The following SLC2A13 variants were observed in gnomAD, a reference collection of about 807,000 sequenced individuals.
SLC2A13 encodes proton myo-inositol cotransporter.
SLC2A13 carries 32 observed loss-of-function variants against 64.4 expected under a neutral mutation model. The ratio of observed to expected loss-of-function variants is 0.50; its 90% CI spans 0.37 to 0.67. SLC2A13 has a LOEUF of 0.67. Among genes scored for constraint, SLC2A13 ranks in the 30% least tolerant of loss-of-function variants. The pLI, the probability that SLC2A13 is intolerant of heterozygous loss-of-function variation, is 0.00. For synonymous variants in SLC2A13, 338 were observed against 327.1 expected, an observed-to-expected ratio of 1.03 and a Z score of -0.36; for missense variants, 743 against 829.2, an observed-to-expected ratio of 0.90 and a Z score of 1.28.
At chr12:40,007,232 A>T (rs1276676717) in intron 3 of SLC2A13, among the ~76,000 whole-genome samples, 3 of 152,216 alleles carry the variant, frequency 2.0e-5, no homozygotes, top group Non-Finnish European at 4.4e-5. Flanking sequence ...ACAGTGATGG[A>T]ATTGCAGAAA....
chr12:39,979,491 G>A (rs1374652107), intron 3 of SLC2A13, among the ~76,000 whole-genome samples: 1 of 149,088 alleles, frequency 6.7e-6, no homozygotes, highest in East Asian at 2.0e-4. Context: ...AGCTGATGGA[G>A]CTGAAAGCCA....
chr12:39,848,333 G>T (rs1270058527), intron 6 of SLC2A13, among the ~76,000 whole-genome samples: 2 of 151,800 alleles, frequency 1.3e-5, no homozygotes, highest in Non-Finnish European at 2.9e-5. Context: ...ATTTACAAAA[G>T]AAAAACAACC....
At chr12:40,051,607 G>A (rs913175741) in intron 1 of SLC2A13, among the ~76,000 whole-genome samples, 1 of 152,128 alleles carries the variant, frequency 6.6e-6, no homozygotes, top group Non-Finnish European at 1.5e-5. Flanking sequence ...AGGGGCCTTG[G>A]ATAGAAGTCA....
chr12:39,961,147 G>C (rs1946406064), intron 3 of SLC2A13, among the ~76,000 whole-genome samples: 1 of 151,486 alleles, frequency 6.6e-6, no homozygotes, highest in South Asian at 2.1e-4. Context: ...GCATGATCTT[G>C]GCTCACTGCA....
Position 39,845,577 on chromosome 12 carries a change from T to C in SLC2A13, c.1320-15349A>G, listed in dbSNP as rs540455699. Among the ~76,000 whole-genome samples, 331 of 152,256 alleles carry C rather than the reference T, an allele frequency of 2.2e-3. 2 individuals carry two copies. The highest frequency in any genetic ancestry group is 6.8e-3 in the Middle Eastern group (2 of 294). ...TGTGGAGGACAAAGTGAGTTTTTACTGAAGGGTGAAAGAAACAATCAGCCC... is the reference window on the plus strand; with the variant it reads ...TGTGGAGGACAAAGTGAGTTTTTACCGAAGGGTGAAAGAAACAATCAGCCC... On this transcript the variant is annotated intron_variant, in intron 6 of 9. Transcript: ENST00000280871.
chr12:39,856,611 C>T (rs1232130072), intron 6 of SLC2A13, among the ~76,000 whole-genome samples: 3 of 152,156 alleles, frequency 2.0e-5, no homozygotes, highest in African/African-American at 7.2e-5. Flanking sequence ...TCGTGATTTG[C>T]CCACCTCGGC....
intron 2 of SLC2A13, among the ~76,000 whole-genome samples, chr12:40,031,027 G>A (rs746300542): frequency 5.3e-5 from 8 of 152,150 alleles, no homozygotes; most frequent in Non-Finnish European, 1.2e-4. Flanking sequence ...AAAGTAAAAT[G>A]AGAAAGCTTA....
At chr12:39,897,043 T>G (rs946622042) in intron 4 of SLC2A13, among the ~76,000 whole-genome samples, 1 of 152,182 alleles carries the variant, frequency 6.6e-6, no homozygotes, top group Non-Finnish European at 1.5e-5. Flanking sequence ...TAACCCTTAG[T>G]TCAATGCTTA....
intron 1 of SLC2A13, among the ~76,000 whole-genome samples, chr12:40,065,292 T>C (rs1402381153): frequency 1.3e-5 from 2 of 152,264 alleles, no homozygotes; most frequent in African/African-American, 4.8e-5. Context: ...TATAAACTAT[T>C]GTTGCCAGGC....
chr12:39,908,816 C>A (rs972573742), intron 4 of SLC2A13, among the ~76,000 whole-genome samples: 1 of 151,798 alleles, frequency 6.6e-6, no homozygotes, highest in Non-Finnish European at 1.5e-5. Flanking sequence ...TTGGGAGGAC[C>A]AGGAAAACAG....
At position 39,759,812 on chromosome 12, in the gene SLC2A13, A is replaced by C. The variant is rs1162979100; in HGVS notation, c.*214T>G. ...CATTTGCTTAAGAATTATTAGATTA[A>C]AATCTCTGTAAATATTTTTTAAAAT... On this transcript the variant is annotated 3_prime_UTR_variant, in exon 10 of 10. Transcript: ENST00000280871. The C allele has an allele frequency of 1.9e-6, 1 of 521,248 alleles. No individual in the cohort carries two copies. Among genetic ancestry groups the C allele is most frequent in the Non-Finnish European group, 3.4e-6 (1 of 295,608 alleles). 32.3% of individuals were successfully genotyped at this position (521,248 alleles called of 1,614,324 possible). A position where few individuals can be genotyped will look rare whatever the true frequency, so the allele number is the denominator to read the frequency against.
At chr12:39,907,432 G>A (rs1281060676) in intron 4 of SLC2A13, among the ~76,000 whole-genome samples, 2 of 152,086 alleles carry the variant, frequency 1.3e-5, no homozygotes, top group African/African-American at 4.8e-5. Context: ...ATCTTTTTGT[G>A]TAGCACTCAA....
rs60326584 is a variant in SLC2A13, at chr12:39,813,024, T to TTTTTTTTTTTTTTA, written c.1445+17078_1445+17079insTAAAAAAAAAAAAA. ...TTTTTTTTTTTTTTTTTTTTTTTTTTAGTAGAGATGGGGTTTCACCATGTT... is the reference window on the plus strand; with the variant it reads ...TTTTTTTTTTTTTTTTTTTTTTTTTTTTTTTTTTTTTTTAAGTAGAGATGGGGTTTCACCATGTT... On this transcript the variant is annotated intron_variant, in intron 7 of 9. Transcript: ENST00000280871. 2.2e-5 allele frequency among the ~76,000 whole-genome samples: 3 copies of TTTTTTTTTTTTTTA among 134,902 alleles called. No homozygotes were observed. In the East Asian group the frequency reaches 6.6e-4, roughly 29 times the overall value. 88.5% of individuals were successfully genotyped at this position (134,902 alleles called of 152,430 possible).
intron 4 of SLC2A13, among the ~76,000 whole-genome samples, chr12:39,892,500 G>A (rs966489705): frequency 6.6e-6 from 1 of 152,134 alleles, no homozygotes; most frequent in Admixed American, 6.5e-5. Context: ...ACGCTTAACC[G>A]AACTTTAGTC....
chr12:39,812,434 CT>C (rs1402497551), intron 7 of SLC2A13, among the ~76,000 whole-genome samples: 2 of 144,352 alleles, frequency 1.4e-5, no homozygotes, highest in Admixed American at 1.4e-4. Context: ...GCCTTCCTTC[CT>C]TTTCTTTCTT....
chr12:39,836,170 C>G (rs973621661), intron 6 of SLC2A13, among the ~76,000 whole-genome samples: 1 of 152,014 alleles, frequency 6.6e-6, no homozygotes, highest in South Asian at 2.1e-4. Flanking sequence ...ATAAGTGTGC[C>G]TGGAATTCAG....
intron 2 of SLC2A13, among the ~76,000 whole-genome samples, chr12:40,032,978 T>G (rs970640493): frequency 1.3e-5 from 2 of 152,194 alleles, no homozygotes; most frequent in South Asian, 4.1e-4. Context: ...AATTGTTTAG[T>G]AACAACAATA....
intron 1 of SLC2A13, among the ~76,000 whole-genome samples, chr12:40,052,453 G>A (rs995939251): frequency 2.0e-5 from 3 of 152,072 alleles, no homozygotes; most frequent in Non-Finnish European, 4.4e-5. Context: ...GGTATATTGG[G>A]AGAAGTTAAG....
chr12:40,022,111 T>C (rs941079216), intron 3 of SLC2A13, among the ~76,000 whole-genome samples: 3 of 152,072 alleles, frequency 2.0e-5, no homozygotes, highest in African/African-American at 7.2e-5. Flanking sequence ...TGGAGGTAAA[T>C]CAAATCATGT....
Sources: gnomAD v4.1 joint callset for allele counts (sites outside exome capture counted in the v4.1 genomes callset) on GRCh38, gnomAD v4.1.1 for gene constraint, MANE v1.5 for transcripts, NCBI Gene and HGNC (gene_info 2026-07-23, HGNC 2026-07-21) for gene names.